Variants in ADAMTSL3 observed in about 807,000 individuals in gnomAD.
ADAMTSL3 encodes ADAMTS like 3.
In ADAMTSL3, 128 loss-of-function variants were observed where a neutral mutation model predicts 201.7. That is an observed-to-expected ratio of 0.63 (90% CI 0.55 to 0.73). ADAMTSL3 has a LOEUF of 0.73. ADAMTSL3 is among the 30% of genes least tolerant of loss of function. ADAMTSL3 has a pLI of 0.00. For synonymous variants in ADAMTSL3, 738 were observed against 748.4 expected, an observed-to-expected ratio of 0.99 and a Z score of 0.23; for missense variants, 1,990 against 2,119.6, an observed-to-expected ratio of 0.94 and a Z score of 1.20.
At chr15:83,792,241 C>T (rs1312307334) in intron 4 of ADAMTSL3, among the ~76,000 whole-genome samples, 2 of 152,034 alleles carry the variant, frequency 1.3e-5, no homozygotes, top group African/African-American at 2.4e-5. Context: ...ATAGGATGAA[C>T]ATGGAAGACA....
intron 9 of ADAMTSL3, among the ~76,000 whole-genome samples, chr15:83,882,455 A>G (rs184501198): frequency 6.6e-6 from 1 of 152,266 alleles, no homozygotes; most frequent in Admixed American, 6.5e-5. Flanking sequence ...ATTCTCTCAT[A>G]AGCTTTACTG....
At chr15:83,790,524 A>C (rs988784673) in intron 4 of ADAMTSL3, among the ~76,000 whole-genome samples, 1 of 151,976 alleles carries the variant, frequency 6.6e-6, no homozygotes, top group African/African-American at 2.4e-5. Flanking sequence ...TATTTGACAA[A>C]GTCACCAATT....
chr15:83,716,496 C>T lies in ADAMTSL3; in HGVS notation c.189+11988C>T, dbSNP rs548596168. On this transcript the variant is annotated intron_variant, in intron 3 of 29. Transcript: ENST00000286744. ...TGCCATTGCATTCCAGCCTGGGCAA[C>T]AAGAGCAAAACTCCGTCTCAAAAAA... 9.9e-4 allele frequency among the ~76,000 whole-genome samples: 97 copies of T among 98,428 alleles called. 3 individuals carry two copies. The South Asian group carries it at 0.027, about 28-fold the overall frequency. The allele number at this position is 98,428 out of a possible 152,430, so 64.6% of individuals were successfully genotyped here.
chr15:84,027,934 T>C (rs1567312219), intron 27 of ADAMTSL3, among the ~76,000 whole-genome samples: 1 of 152,226 alleles, frequency 6.6e-6, no homozygotes, highest in Non-Finnish European at 1.5e-5. Context: ...AGGACTGATA[T>C]ATGCTACAAT....
At chr15:83,693,094 TGC>T (rs2061635305) in intron 2 of ADAMTSL3, among the ~76,000 whole-genome samples, 1 of 152,196 alleles carries the variant, frequency 6.6e-6, no homozygotes, top group African/African-American at 2.4e-5. Flanking sequence ...TTATTTTTTT[TGC>T]TACTGAATTA....
At chr15:83,926,613 CTTTT>C (rs5814168) in intron 17 of ADAMTSL3, among the ~76,000 whole-genome samples, 9 of 120,020 alleles carry the variant, frequency 7.5e-5, no homozygotes, top group African/African-American at 9.7e-5. Context: ...ACACTAACAA[CTTTT>C]TTTTTTTTTT....
intron 17 of ADAMTSL3, among the ~76,000 whole-genome samples, chr15:83,931,066 C>T (rs1298196887): frequency 1.3e-5 from 2 of 152,190 alleles, no homozygotes; most frequent in Non-Finnish European, 2.9e-5. Context: ...TCCCCCTGAT[C>T]TATCCTATAA....
intron 28 of ADAMTSL3, among the ~76,000 whole-genome samples, chr15:84,035,501 A>G (rs1396787988): frequency 1.3e-5 from 2 of 152,148 alleles, no homozygotes; most frequent in South Asian, 2.1e-4. Flanking sequence ...AAAGCAGCTA[A>G]CAGGACACCC....
At position 83,819,827 on chromosome 15, in the gene ADAMTSL3, CAGA is replaced by C. The variant is rs763658711; in HGVS notation, c.384_386del (p.Glu128del). On this transcript the variant is annotated inframe_deletion, in exon 6 of 30. Coordinates refer to ENST00000286744, the MANE Select transcript of ADAMTSL3 (RefSeq NM_207517.3). ...TGCCCCCAGGACTGCCCTCCAGATGCAGAAGATTTCAGAGCCCAGCAGTGCTCA... is the reference window on the plus strand; with the variant it reads ...TGCCCCCAGGACTGCCCTCCAGATGCAGATTTCAGAGCCCAGCAGTGCTCA... The C allele has an allele frequency of 4.6e-5, 74 of 1,613,724 alleles. No homozygotes were observed. Among genetic ancestry groups the C allele is most frequent in the Non-Finnish European group, 5.6e-5 (66 of 1,180,032 alleles).
chr15:83,939,707 C>T (rs533962429), intron 17 of ADAMTSL3, among the ~76,000 whole-genome samples: 180 of 151,806 alleles, frequency 1.2e-3, no homozygotes, highest in Non-Finnish European at 2.2e-3. Context: ...CTGAAAGCTC[C>T]GCCTCCTGGG....
intron 2 of ADAMTSL3, among the ~76,000 whole-genome samples, chr15:83,681,076 G>T (rs1177815742): frequency 6.6e-6 from 1 of 152,066 alleles, no homozygotes; most frequent in African/African-American, 2.4e-5. Context: ...ATCACTATTT[G>T]CAGTATTCCC....
chr15:83,882,337 C>T (rs2065289623), intron 9 of ADAMTSL3, among the ~76,000 whole-genome samples: 1 of 152,120 alleles, frequency 6.6e-6, no homozygotes, highest in South Asian at 2.1e-4. Flanking sequence ...ACTCCGTTAC[C>T]ATAACCCTGC....
intron 17 of ADAMTSL3, among the ~76,000 whole-genome samples, chr15:83,941,212 T>A (rs1377077386): frequency 6.6e-6 from 1 of 151,982 alleles, no homozygotes; most frequent in Non-Finnish European, 1.5e-5. Flanking sequence ...ACTTTTATTC[T>A]TTTGTCCTAT....
At chr15:83,683,866 TC>T (rs1317504652) in intron 2 of ADAMTSL3, among the ~76,000 whole-genome samples, 1 of 152,244 alleles carries the variant, frequency 6.6e-6, no homozygotes, top group African/African-American at 2.4e-5. Flanking sequence ...GCTGTGTTTT[TC>T]CCTAAGACAT....
Position 83,711,669 on chromosome 15 carries a change from C to T in ADAMTSL3, c.189+7161C>T, listed in dbSNP as rs556446377. ...ACTTGTACTGTGTTCACAGTTCATG[C>T]GTGTAGCAAATGCATGAATACTGCA... On this transcript the variant is annotated intron_variant, in intron 3 of 29. Transcript: ENST00000286744. 1.2e-4 allele frequency among the ~76,000 whole-genome samples: 18 copies of T among 152,346 alleles called. No homozygotes were observed. In the East Asian group the frequency reaches 1.7e-3, roughly 15 times the overall value.
At chr15:83,856,334 A>T (rs1384861084) in intron 7 of ADAMTSL3, among the ~76,000 whole-genome samples, 1 of 150,148 alleles carries the variant, frequency 6.7e-6, no homozygotes, top group African/African-American at 2.4e-5. Context: ...TACCCACATT[A>T]AAAAAAAATT....
intron 6 of ADAMTSL3, among the ~76,000 whole-genome samples, chr15:83,821,563 G>A (rs1299317631): frequency 6.6e-6 from 1 of 150,912 alleles, no homozygotes; most frequent in Admixed American, 6.6e-5. Flanking sequence ...TTGGGGGTAA[G>A]GTCACAGATC....
intron 13 of ADAMTSL3, among the ~76,000 whole-genome samples, chr15:83,897,432 TC>T (rs1416300549): frequency 6.6e-6 from 1 of 152,148 alleles, no homozygotes; most frequent in African/African-American, 2.4e-5. Flanking sequence ...AGAAAAATAA[TC>T]CTCTGGCATA....
chr15:83,899,896 A>G (rs569799840), intron 15 of ADAMTSL3, among the ~76,000 whole-genome samples, 165 bp downstream of exon 15: 4 of 152,226 alleles, frequency 2.6e-5, no homozygotes, highest in Non-Finnish European at 5.9e-5. Flanking sequence ...TTGTTTCACA[A>G]TTCAGCAGTC....
Sources: gnomAD v4.1 joint callset for allele counts (sites outside exome capture counted in the v4.1 genomes callset) on GRCh38, gnomAD v4.1.1 for gene constraint, MANE v1.5 for transcripts, NCBI Gene and HGNC (gene_info 2026-07-23, HGNC 2026-07-21) for gene names.